Variants in PTPN4 observed in about 807,000 individuals in gnomAD.
The protein encoded by PTPN4 is protein tyrosine phosphatase non-receptor type 4, also known as tyrosine-protein phosphatase non-receptor type 4.
In PTPN4, 49 loss-of-function variants were observed where a neutral mutation model predicts 135.5. The observed-to-expected ratio is 0.36, with a 90% CI of 0.29 to 0.46. The LOEUF is 0.46. Among genes scored for constraint, PTPN4 ranks in the 20% least tolerant of loss-of-function variants. The probability of loss-of-function intolerance (pLI) is 1.00; values close to 1 mark genes in which losing one functional copy is unlikely to be tolerated. For missense variants in PTPN4, 860 were observed against 1,101.0 expected (o/e 0.78, Z 3.10); for synonymous variants, 333 against 369.9 (o/e 0.90, Z 1.14).
rs766085511 is a variant in PTPN4, at chr2:119,882,549, C to G, written c.513C>G (p.Leu171=). The G allele has an allele frequency of 5.8e-6, 9 of 1,554,260 alleles. No homozygotes were observed. The highest frequency in any genetic ancestry group is 1.9e-5 in the Admixed American group (1 of 53,380). ...AGTCAGAGAACTTGTCAGGCTACCT[C>G]TCAGATTATTCTTTCATTCCTAATC... ...YDQSENLSGY[L]SDYSFIPNQP... The change falls in exon 8 of 27, where the codon CTC becomes CTG. Residue 171 remains leucine (L), a synonymous_variant. Coordinates refer to ENST00000263708, the MANE Select transcript of PTPN4 (RefSeq NM_002830.4).
At chr2:119,824,425 C>T (rs974370850) in intron 2 of PTPN4, among the ~76,000 whole-genome samples, 16 of 152,168 alleles carry the variant, frequency 1.1e-4, no homozygotes, top group African/African-American at 3.6e-4. Context: ...AAACAGCCCT[C>T]CCACCTCAGG....
intron 11 of PTPN4, among the ~76,000 whole-genome samples, chr2:119,916,846 G>T (rs891455088): frequency 6.6e-6 from 1 of 151,998 alleles, no homozygotes; most frequent in Non-Finnish European, 1.5e-5. Flanking sequence ...ACATTAGTTC[G>T]TTCCATTTAT....
intron 24 of PTPN4, among the ~76,000 whole-genome samples, chr2:119,963,395 A>G (rs984531287): frequency 6.6e-6 from 1 of 152,156 alleles, no homozygotes; most frequent in Non-Finnish European, 1.5e-5. Flanking sequence ...AGTGCACCCT[A>G]CTTTCTCTGC....
intron 1 of PTPN4, among the ~76,000 whole-genome samples, chr2:119,769,778 A>T (rs1690701418): frequency 6.6e-6 from 1 of 152,270 alleles, no homozygotes; most frequent in Non-Finnish European, 1.5e-5. Context: ...AAAACTAATT[A>T]GCAACACCTA....
chr2:119,885,753 T>TA, intron 8 of PTPN4, 42 bp from the exon 9 acceptor site: 2 of 1,337,670 alleles, frequency 1.5e-6, no homozygotes, highest in Non-Finnish European at 2.1e-6. Flanking sequence ...TTTATTTGAT[T>TA]GATTGATTGA....
chr2:119,772,003 A>C (rs1690743714), intron 1 of PTPN4, among the ~76,000 whole-genome samples: 1 of 152,184 alleles, frequency 6.6e-6, no homozygotes, highest in Non-Finnish European at 1.5e-5. Context: ...TTCCAAGGGG[A>C]TTAAAGTTAT....
intron 8 of PTPN4, among the ~76,000 whole-genome samples, chr2:119,884,025 G>A (rs1484130742): frequency 2.0e-5 from 3 of 152,186 alleles, no homozygotes; most frequent in Admixed American, 1.3e-4. Flanking sequence ...TCAGCCTCCC[G>A]GTAGCCAGGA....
chr2:119,829,623 G>A (rs959199231), intron 2 of PTPN4, among the ~76,000 whole-genome samples: 1 of 152,118 alleles, frequency 6.6e-6, no homozygotes, highest in African/African-American at 2.4e-5. Flanking sequence ...ATGTTTTCAA[G>A]GAAGCATGTA....
chr2:119,886,876 A>G (rs72838961), intron 9 of PTPN4, among the ~76,000 whole-genome samples: 3,667 of 152,130 alleles, frequency 0.024, 64 homozygotes, highest in Non-Finnish European at 0.033. Flanking sequence ...GACCAGATGA[A>G]TTGCTTTCCT....
At chr2:119,854,397 A>G (rs1247921402) in intron 2 of PTPN4, among the ~76,000 whole-genome samples, 5 of 151,990 alleles carry the variant, frequency 3.3e-5, no homozygotes, top group African/African-American at 1.2e-4. Flanking sequence ...CTTACTGAGG[A>G]CTCCTTACCC....
At chr2:119,835,450 G>A (rs1215364157) in intron 2 of PTPN4, among the ~76,000 whole-genome samples, 1 of 151,958 alleles carries the variant, frequency 6.6e-6, no homozygotes, top group Admixed American at 6.6e-5. Context: ...CGAAGTGCTG[G>A]GATTACAGGT....
chr2:119,817,915 T>C (rs1165441199), intron 2 of PTPN4, among the ~76,000 whole-genome samples: 1 of 152,202 alleles, frequency 6.6e-6, no homozygotes, highest in Non-Finnish European at 1.5e-5. Context: ...TTTATTCTTT[T>C]TGTGGCGGTT....
intron 1 of PTPN4, among the ~76,000 whole-genome samples, chr2:119,766,459 T>TCCC (rs1558718916): frequency 1.4e-5 from 2 of 140,848 alleles, no homozygotes; most frequent in African/African-American, 5.5e-5. Context: ...CGTGTGTGTG[T>TCCC]GTGTGTGTGT....
intron 5 of PTPN4, among the ~76,000 whole-genome samples, chr2:119,879,792 C>T (rs1678044285): frequency 1.3e-5 from 2 of 152,060 alleles, no homozygotes; most frequent in South Asian, 4.1e-4. Context: ...TGCTGCACCT[C>T]CTTACCTTGA....
chr2:119,967,689 A>G (rs180879358), intron 25 of PTPN4, 148 bp from the exon 26 acceptor site: 2 of 603,592 alleles, frequency 3.3e-6, no homozygotes, highest in Admixed American at 3.9e-5. Context: ...TGTTTTCAAA[A>G]TATTCTGTAT....
chr2:119,884,383 T>G (rs1358839536), intron 8 of PTPN4, among the ~76,000 whole-genome samples: 1 of 152,256 alleles, frequency 6.6e-6, no homozygotes, highest in Non-Finnish European at 1.5e-5. Context: ...TATGGCTGTT[T>G]TCGCACAATG....
chr2:119,824,962 A>G (rs1207786416), intron 2 of PTPN4, among the ~76,000 whole-genome samples: 2 of 152,228 alleles, frequency 1.3e-5, no homozygotes, highest in South Asian at 4.1e-4. Flanking sequence ...TGCTGGGATT[A>G]CAGGTATGAG....
At chr2:119,931,838 C>A (rs1678911588) in intron 13 of PTPN4, among the ~76,000 whole-genome samples, 1 of 152,016 alleles carries the variant, frequency 6.6e-6, no homozygotes, top group Non-Finnish European at 1.5e-5. Context: ...TACTCCCCAC[C>A]AATAGACAGA....
chr2:119,951,075 A>G (rs967935715), intron 18 of PTPN4, among the ~76,000 whole-genome samples: 2 of 152,266 alleles, frequency 1.3e-5, no homozygotes, highest in Non-Finnish European at 2.9e-5. Context: ...CATTATGAGT[A>G]GTTTAAACGG....
Sources: gnomAD v4.1 joint callset for allele counts (sites outside exome capture counted in the v4.1 genomes callset) on GRCh38, gnomAD v4.1.1 for gene constraint, MANE v1.5 for transcripts, NCBI Gene and HGNC (gene_info 2026-07-23, HGNC 2026-07-21) for gene names.